EFHC1: variants seen among roughly 807,000 people sequenced by gnomAD.
The protein encoded by EFHC1 is EF-hand domain-containing protein 1.
A neutral mutation model predicts 69.9 loss-of-function variants in EFHC1; 53 were observed. That is an observed-to-expected ratio of 0.76 (90% CI 0.61 to 0.95). EFHC1 has a LOEUF of 0.95. Among genes scored for constraint, EFHC1 ranks in the 40% least tolerant of loss-of-function variants. EFHC1 has a pLI of 0.00. For synonymous variants in EFHC1, 256 were observed against 278.4 expected (o/e 0.92, Z 0.80); for missense variants, 739 against 798.7 (o/e 0.93, Z 0.90).
chr6:52,464,018 A>G (rs1366346126), intron 5 of EFHC1, among the ~76,000 whole-genome samples: 1 of 152,208 alleles, frequency 6.6e-6, no homozygotes, highest in East Asian at 1.9e-4. Flanking sequence ...GGAGAACATC[A>G]GCCTACTTTT....
intron 9 of EFHC1, chr6:52,481,997 A>G (rs1765687102): frequency 6.6e-6 from 1 of 152,150 alleles, no homozygotes; most frequent in Non-Finnish European, 1.5e-5. Context: ...TAACATGCAA[A>G]ACAATTTTAA....
At chr6:52,444,627 A>G (rs563713167) in intron 3 of EFHC1, among the ~76,000 whole-genome samples, 1 of 152,124 alleles carries the variant, frequency 6.6e-6, no homozygotes, top group Non-Finnish European at 1.5e-5. Flanking sequence ...CCTTGCATCC[A>G]AGGGAGGAAG....
At chr6:52,470,167 T>C (rs1400564013) in intron 7 of EFHC1, among the ~76,000 whole-genome samples, 3 of 152,178 alleles carry the variant, frequency 2.0e-5, no homozygotes, top group Non-Finnish European at 4.4e-5. Flanking sequence ...TTTCAAACTA[T>C]ATACATGTAT....
intron 9 of EFHC1, chr6:52,482,847 C>T (rs1765709093): frequency 2.5e-6 from 1 of 398,498 alleles, no homozygotes; most frequent in African/African-American, 2.1e-5. Flanking sequence ...GCTGTGTCGA[C>T]ATTCCTACAG....
At chr6:52,474,950 GTTTAC>G (rs1041240967) in intron 7 of EFHC1, among the ~76,000 whole-genome samples, 2 of 150,278 alleles carry the variant, frequency 1.3e-5, no homozygotes, top group African/African-American at 2.5e-5. Flanking sequence ...TTATATGGGT[GTTTAC>G]TTTATTAAAA....
Position 52,493,387 on chromosome 6 carries a change from T to TATATATATATATAG in EFHC1, c.*1046_*1047insATATATATATATAG. Reference sequence around the variant, plus strand: ...CTACATATATATATATATATATATTTTATATGTACACATTCATACACACAC... The same window carrying TATATATATATATAG: ...CTACATATATATATATATATATATTTATATATATATATAGTATATGTACACATTCATACACACAC... On this transcript the variant is annotated 3_prime_UTR_variant, in exon 11 of 11. Transcript: ENST00000371068. The TATATATATATATAG allele has an allele frequency of 4.6e-6, 1 of 218,486 alleles. No homozygotes were observed. The highest frequency in any genetic ancestry group is 1.1e-4 in the East Asian group (1 of 8,708). The allele number at this position is 218,486 out of a possible 1,614,324, so 13.5% of individuals were successfully genotyped here.
intron 6 of EFHC1, among the ~76,000 whole-genome samples, chr6:52,467,284 C>T (rs12192408): frequency 0.038 from 5,729 of 151,326 alleles, 149 homozygotes; most frequent in Non-Finnish European, 0.056. Flanking sequence ...CAGGTTCAAG[C>T]GATTCTTGTG....
chr6:52,423,763 C>T (rs1464011985), intron 1 of EFHC1, 183 bp from the exon 2 acceptor site: 1 of 1,473,712 alleles, frequency 6.8e-7, no homozygotes, highest in Admixed American at 2.0e-5. Flanking sequence ...TCTTCAGCCT[C>T]CCAGAGTTCT....
At chr6:52,472,020 A>G (rs1192463772) in intron 7 of EFHC1, among the ~76,000 whole-genome samples, 1 of 151,982 alleles carries the variant, frequency 6.6e-6, no homozygotes, top group Non-Finnish European at 1.5e-5. Context: ...TTCAGTTTTG[A>G]AAAATCATCA....
chr6:52,475,557 C>A (rs1220278975), intron 7 of EFHC1, among the ~76,000 whole-genome samples: 1 of 152,246 alleles, frequency 6.6e-6, no homozygotes, highest in East Asian at 1.9e-4. Flanking sequence ...TGAATGTCTT[C>A]CAAGAGATAC....
chr6:52,459,556 T>G (rs1018513569), intron 5 of EFHC1, among the ~76,000 whole-genome samples: 2 of 152,242 alleles, frequency 1.3e-5, no homozygotes, highest in East Asian at 3.8e-4. Context: ...AGACTGACCA[T>G]ACCAAGTGTT....
At chr6:52,472,673 GAT>G (rs987163541) in intron 7 of EFHC1, among the ~76,000 whole-genome samples, 6 of 136,388 alleles carry the variant, frequency 4.4e-5, no homozygotes, top group Non-Finnish European at 6.2e-5. Flanking sequence ...ACATACAAGA[GAT>G]ATGTAATATC....
At chr6:52,431,528 G>A (rs1275349647) in intron 2 of EFHC1, among the ~76,000 whole-genome samples, 3 of 152,150 alleles carry the variant, frequency 2.0e-5, no homozygotes, top group African/African-American at 7.2e-5. Context: ...TCCTTTTGGA[G>A]TTGACGTCCA....
chr6:52,442,646 T>G (rs1764691369), intron 3 of EFHC1, among the ~76,000 whole-genome samples: 1 of 152,228 alleles, frequency 6.6e-6, no homozygotes, highest in African/African-American at 2.4e-5. Flanking sequence ...TATGGCTGCA[T>G]AGTATTCCAT....
At chr6:52,448,179 A>G (rs550805023) in intron 3 of EFHC1, among the ~76,000 whole-genome samples, 1 of 152,354 alleles carries the variant, frequency 6.6e-6, no homozygotes, top group East Asian at 1.9e-4. Context: ...GGTGGAGTCT[A>G]CAGAGGCAGG....
chr6:52,428,689 T>C (rs1057112720), intron 2 of EFHC1, among the ~76,000 whole-genome samples: 3 of 152,218 alleles, frequency 2.0e-5, no homozygotes, highest in African/African-American at 7.2e-5. Flanking sequence ...TCTTTTCCAA[T>C]GGGTAGATAC....
chr6:52,424,409 G>T (rs1324283456), intron 2 of EFHC1, among the ~76,000 whole-genome samples: 1 of 152,160 alleles, frequency 6.6e-6, no homozygotes, highest in Non-Finnish European at 1.5e-5. Context: ...TTTTCCAAAT[G>T]CAGTTAAAGA....
rs554589052 is a variant in EFHC1, at chr6:52,448,405, G to A, written c.574-4283G>A. On this transcript the variant is annotated intron_variant, in intron 3 of 10. Coordinates refer to ENST00000371068, the MANE Select transcript of EFHC1 (RefSeq NM_018100.4). Reference sequence around the variant, plus strand: ...GATATAATCTCCTGGTGTGCCATTTGCTAAGGCCATTGGAAAAGTGCAGTA... The same window carrying A: ...GATATAATCTCCTGGTGTGCCATTTACTAAGGCCATTGGAAAAGTGCAGTA... Among the ~76,000 whole-genome samples, 13 of 152,330 alleles carry A rather than the reference G, an allele frequency of 8.5e-5. No individual in the cohort carries two copies. The South Asian group carries it at 2.5e-3, about 29-fold the overall frequency.
chr6:52,438,800 A>T (rs1764595212), intron 3 of EFHC1, among the ~76,000 whole-genome samples: 1 of 152,194 alleles, frequency 6.6e-6, no homozygotes, highest in East Asian at 1.9e-4. Flanking sequence ...ATTAATACTT[A>T]TTCACTCAAA....
Sources: gnomAD v4.1 joint callset for allele counts (sites outside exome capture counted in the v4.1 genomes callset) on GRCh38, gnomAD v4.1.1 for gene constraint, MANE v1.5 for transcripts, NCBI Gene and HGNC (gene_info 2026-07-23, HGNC 2026-07-21) for gene names.